Variants in ADGRL2 observed in about 807,000 individuals in gnomAD.
The protein encoded by ADGRL2 is calcium-independent alpha-latrotoxin receptor 2.
In ADGRL2, 44 loss-of-function variants were observed where a neutral mutation model predicts 157.4. The observed-to-expected ratio is 0.28, with a 90% CI of 0.22 to 0.36. The LOEUF is 0.36. ADGRL2 is among the 10% of genes least tolerant of loss of function. The pLI, the probability that ADGRL2 is intolerant of heterozygous loss-of-function variation, is 1.00. For synonymous variants in ADGRL2, 585 were observed against 624.7 expected (o/e 0.94, Z 0.95); for missense variants, 1,510 against 1,768.9 (o/e 0.85, Z 2.63).
At chr1:81,947,131 C>T (rs142341781) in intron 6 of ADGRL2, among the ~76,000 whole-genome samples, 2,552 of 152,170 alleles carry the variant, frequency 0.017, 46 homozygotes, top group South Asian at 0.061. Flanking sequence ...GTGCATGATA[C>T]GGCATCCGGA....
At chr1:81,915,408 AAAACAGTTCTACTAGATGTT>A (rs1391356590) in intron 3 of ADGRL2, among the ~76,000 whole-genome samples, 3 of 152,132 alleles carry the variant, frequency 2.0e-5, no homozygotes, top group Non-Finnish European at 2.9e-5. Flanking sequence ...GAAAATCAGT[AAAACAGTTCTACTAGATGTT>A]GAAGACTGAG....
chr1:81,715,792 A>G (rs1398740641), intron 1 of ADGRL2, among the ~76,000 whole-genome samples: 1 of 152,120 alleles, frequency 6.6e-6, no homozygotes, highest in African/African-American at 2.4e-5. Context: ...ACAGAACCTA[A>G]TGAGGAACAG....
At chr1:81,797,315 C>A (rs2087637765), upstream of ADGRL2, among the ~76,000 whole-genome samples, 1 of 152,002 alleles carries the variant, frequency 6.6e-6, no homozygotes, top group Non-Finnish European at 1.5e-5. Context: ...AATTTTGTTT[C>A]TTTTGAAACA....
At chr1:81,926,334 G>T (rs2095106061) in intron 3 of ADGRL2, among the ~76,000 whole-genome samples, 1 of 151,888 alleles carries the variant, frequency 6.6e-6, no homozygotes, top group Admixed American at 6.6e-5. Context: ...CGACAAAAGG[G>T]TCTGTAACTT....
intron 1 of ADGRL2, among the ~76,000 whole-genome samples, chr1:81,752,088 C>T (rs189012965): frequency 9.9e-5 from 15 of 152,210 alleles, no homozygotes; most frequent in African/African-American, 3.6e-4. Context: ...AGAGGTGAGG[C>T]CTTTGGGAGG....
At chr1:81,333,131 G>T (rs1226037692) in intron 1 of ADGRL2, among the ~76,000 whole-genome samples, 1 of 152,128 alleles carries the variant, frequency 6.6e-6, no homozygotes. Flanking sequence ...CATTTAAAAG[G>T]TGTTTATGTT....
At chr1:81,721,058 G>T (rs1202594821) in intron 1 of ADGRL2, among the ~76,000 whole-genome samples, 7 of 138,078 alleles carry the variant, frequency 5.1e-5, no homozygotes, top group African/African-American at 1.9e-4. Context: ...TTTTAATAGA[G>T]CCGGGGTCTT....
intron 3 of ADGRL2, among the ~76,000 whole-genome samples, chr1:81,690,842 G>A (rs1440244257): frequency 6.6e-6 from 1 of 152,154 alleles, no homozygotes; most frequent in Non-Finnish European, 1.5e-5. Context: ...GGTACATTCA[G>A]AATACGACTT....
rs74098416 is a variant in ADGRL2, at chr1:81,568,921, T to A, written c.-247-11955T>A. ...GTGTTATGTAGCAATAATACAGATC[T>A]TATTTTTAGGTAGACTGACAATAGC... On this transcript the variant is annotated intron_variant, in intron 2 of 24. Coordinates refer to the ADGRL2 transcript ENST00000370721. 1.0e-3 allele frequency among the ~76,000 whole-genome samples: 159 copies of A among 152,314 alleles called. 1 individual carries two copies. The highest frequency in any genetic ancestry group is 3.3e-3 in the African/African-American group (138 of 41,574).
At chr1:81,600,975 C>A (rs560041125) in intron 3 of ADGRL2, among the ~76,000 whole-genome samples, 1 of 152,146 alleles carries the variant, frequency 6.6e-6, no homozygotes, top group East Asian at 1.9e-4. Flanking sequence ...TGAAAAGGAA[C>A]AGTCAGTCTG....
rs140429343 is a variant in ADGRL2 at position 81,353,006 on chromosome 1, G to A, written c.-302+46497G>A. On this transcript the variant is annotated intron_variant, in intron 1 of 24. Coordinates refer to the ADGRL2 transcript ENST00000370721. ...AATTGAGTGTTGGGGGTGAAAAAGC[G>A]TTGGAGGTAATAATATCTAATGTAT... Among the ~76,000 whole-genome samples the A allele has an allele frequency of 3.9e-4, 59 of 152,236 alleles. 1 individual carries two copies. In the South Asian group the frequency reaches 5.4e-3, roughly 14 times the overall value.
At position 81,811,561 on chromosome 1, in the gene ADGRL2, A is replaced by T. The variant is rs1382322424; in HGVS notation, c.-101+10493A>T. Among the ~76,000 whole-genome samples, 4 of 151,856 alleles carry T rather than the reference A, an allele frequency of 2.6e-5. No individual in the cohort carries two copies. The East Asian group carries it at 5.8e-4, about 22-fold the overall frequency. ...GATACATCACATCATATCTCTGTAT[A>T]CTTGTGGAAAGGAATATGGCAGAAG... is the stretch of plus-strand genomic sequence containing the variant. On this transcript the variant is annotated intron_variant, in intron 1 of 23. Transcript: ENST00000686636.
intron 1 of ADGRL2, among the ~76,000 whole-genome samples, chr1:81,392,720 C>G (rs12093293): frequency 0.032 from 4,851 of 152,024 alleles, 263 homozygotes; most frequent in African/African-American, 0.11. Context: ...AAATAGAGTG[C>G]CAACTGGCAA....
chr1:81,533,268 A>G (rs2079649885), intron 2 of ADGRL2, among the ~76,000 whole-genome samples: 1 of 152,110 alleles, frequency 6.6e-6, no homozygotes, highest in African/African-American at 2.4e-5. Flanking sequence ...AATCCCAGCT[A>G]CTCGGGAGGC....
At chr1:81,575,972 T>C (rs1246628486) in intron 2 of ADGRL2, among the ~76,000 whole-genome samples, 1 of 152,178 alleles carries the variant, frequency 6.6e-6, no homozygotes, top group East Asian at 1.9e-4. Flanking sequence ...TTGTTTCATC[T>C]TTATCTCAAC....
chr1:81,801,078 C>T lies in ADGRL2; in HGVS notation c.-101+10C>T, dbSNP rs957071194. Reference sequence around the variant, plus strand: ...CGAAGGGCTCGAGCCCGTAAGTATCCCCTTTCGCTCCTCCTCCCCGCCGCT... The same window carrying T: ...CGAAGGGCTCGAGCCCGTAAGTATCTCCTTTCGCTCCTCCTCCCCGCCGCT... On this transcript the variant is annotated intron_variant, in intron 1 of 23. Coordinates refer to ENST00000686636, the MANE Select transcript of ADGRL2 (RefSeq NM_001366006.2). 2.6e-5 allele frequency among the ~76,000 whole-genome samples: 4 copies of T among 151,968 alleles called. No individual in the cohort carries two copies. Among genetic ancestry groups the T allele is most frequent in the African/African-American group, 9.7e-5 (4 of 41,438 alleles).
intron 3 of ADGRL2, among the ~76,000 whole-genome samples, chr1:81,663,791 C>G (rs1003428366): frequency 1.3e-5 from 2 of 152,134 alleles, no homozygotes; most frequent in Admixed American, 6.6e-5. Context: ...TCATGTTTAG[C>G]AGCATGATAA....
intron 2 of ADGRL2, among the ~76,000 whole-genome samples, chr1:81,848,720 T>A (rs2150450637): frequency 6.6e-6 from 1 of 152,044 alleles, no homozygotes; most frequent in Middle Eastern, 3.4e-3. Context: ...AACTTTCAAA[T>A]AATCTTCCAA....
intron 1 of ADGRL2, among the ~76,000 whole-genome samples, chr1:81,323,528 T>C (rs1200264578): frequency 6.6e-6 from 1 of 151,568 alleles, no homozygotes; most frequent in Non-Finnish European, 1.5e-5. Context: ...GCTGGGGTTA[T>C]AGGCATGAGC....
Sources: gnomAD v4.1 joint callset for allele counts (sites outside exome capture counted in the v4.1 genomes callset) on GRCh38, gnomAD v4.1.1 for gene constraint, MANE v1.5 for transcripts, NCBI Gene and HGNC (gene_info 2026-07-23, HGNC 2026-07-21) for gene names.